Variants in CLSTN2 observed in about 807,000 individuals in gnomAD.
The protein encoded by CLSTN2 is calsyntenin 2, also known as calsyntenin-2.
A neutral mutation model predicts 101.2 loss-of-function variants in CLSTN2; 48 were observed. That is an observed-to-expected ratio of 0.47 (90% CI 0.38 to 0.60). The LOEUF (loss-of-function observed/expected upper bound fraction) is 0.60. Ranked by LOEUF, CLSTN2 falls within the 20% of genes least tolerant of loss-of-function variation. The pLI is 0.00. For missense variants in CLSTN2, 1,160 were observed against 1,238.2 expected, an observed-to-expected ratio of 0.94 and a Z score of 0.95; for synonymous variants, 481 against 463.6, an observed-to-expected ratio of 1.04 and a Z score of -0.48.
intron 2 of CLSTN2, among the ~76,000 whole-genome samples, chr3:140,325,928 T>C (rs2087328172): frequency 6.6e-6 from 1 of 152,222 alleles, no homozygotes; most frequent in Non-Finnish European, 1.5e-5. Flanking sequence ...CTACCCTTTC[T>C]GCAGAAAGTA....
At chr3:140,321,672 C>T (rs2087284139) in intron 2 of CLSTN2, among the ~76,000 whole-genome samples, 1 of 152,134 alleles carries the variant, frequency 6.6e-6, no homozygotes, top group Non-Finnish European at 1.5e-5. Context: ...AACCCTGGAG[C>T]CCTCAGATAA....
At position 140,571,543 on chromosome 3, in the gene CLSTN2, A is replaced by C. The variant is rs1985549422; in HGVS notation, c.*5290A>C. The C allele has an allele frequency of 6.6e-6, 1 of 152,204 alleles. No homozygotes were observed. The highest frequency in any genetic ancestry group is 6.5e-5 in the Admixed American group (1 of 15,280). 9.4% of individuals were successfully genotyped at this position (152,204 alleles called of 1,614,324 possible). ...TGTACTCTGGCAGGCTATGAATGGT[A>C]CAGGATTCTGCATCTATATGAGACA... On this transcript the variant is annotated 3_prime_UTR_variant, in exon 17 of 17. Coordinates refer to ENST00000458420, the MANE Select transcript of CLSTN2 (RefSeq NM_022131.3).
intron 2 of CLSTN2, among the ~76,000 whole-genome samples, chr3:140,194,002 G>A (rs1313532578): frequency 6.6e-6 from 1 of 152,018 alleles, no homozygotes; most frequent in East Asian, 1.9e-4. Flanking sequence ...TATTTGCTGA[G>A]ACTTTCTACT....
intron 9 of CLSTN2, 44 bp downstream of exon 9, chr3:140,532,530 G>C (rs1231511811): frequency 6.6e-7 from 1 of 1,520,868 alleles, no homozygotes; most frequent in East Asian, 2.3e-5. Context: ...TTTGTGAATA[G>C]TTCTTGGAAG....
intron 8 of CLSTN2, among the ~76,000 whole-genome samples, chr3:140,523,271 G>T (rs1251598413): frequency 6.6e-6 from 1 of 152,048 alleles, no homozygotes; most frequent in Non-Finnish European, 1.5e-5. Flanking sequence ...GAAGCTTCAG[G>T]CTTTATGCAG....
At chr3:140,279,492 G>T (rs2086825996) in intron 2 of CLSTN2, among the ~76,000 whole-genome samples, 2 of 152,256 alleles carry the variant, frequency 1.3e-5, no homozygotes, top group South Asian at 4.1e-4. Context: ...ATTGTCAGTG[G>T]TGGCTATGAG....
At chr3:140,396,088 C>T (rs76769260) in intron 2 of CLSTN2, among the ~76,000 whole-genome samples, 20,101 of 152,156 alleles carry the variant, frequency 0.13, 1,437 homozygotes, top group East Asian at 0.17. Context: ...TGGTAGTATA[C>T]GACTGATCTG....
At chr3:140,281,685 G>A (rs2086848834) in intron 2 of CLSTN2, among the ~76,000 whole-genome samples, 1 of 152,096 alleles carries the variant, frequency 6.6e-6, no homozygotes, top group Non-Finnish European at 1.5e-5. Flanking sequence ...ATCAAGTTTT[G>A]AGATGGGAGG....
intron 1 of CLSTN2, among the ~76,000 whole-genome samples, chr3:139,946,438 C>T (rs976495199): frequency 2.0e-5 from 3 of 152,206 alleles, no homozygotes; most frequent in African/African-American, 7.2e-5. Context: ...ATTCAACAAC[C>T]AGAGGGCCAT....
Position 140,532,427 on chromosome 3 carries a change from A to T in CLSTN2, c.1448A>T (p.Asp483Val), listed in dbSNP as rs1179139277. The T allele has an allele frequency of 6.2e-7, 1 of 1,613,986 alleles. No individual in the cohort carries two copies. Among genetic ancestry groups the T allele is most frequent in the South Asian group, 1.1e-5 (1 of 91,040 alleles). The stretch of plus-strand genomic sequence containing the variant: ...TATGAACCATACCTGGTGACCAACG[A>T]CTGGCCCATTCATCCATCTCACATA... ...ATYEPYLVTNDWPIHPSHIAM... is the reference protein window; with the variant it reads ...ATYEPYLVTNVWPIHPSHIAM... The change falls in exon 9 of 17, where the codon GAC (aspartate) becomes GTC (valine). Residue 483 changes from aspartate (D) to valine (V), a missense_variant. Transcript: ENST00000458420.
chr3:140,276,440 G>A (rs531327364), intron 2 of CLSTN2, among the ~76,000 whole-genome samples: 109 of 152,284 alleles, frequency 7.2e-4, no homozygotes, highest in African/African-American at 2.5e-3. Context: ...AAGGAGTAGA[G>A]GAAAGGCAGC....
At chr3:140,487,924 T>C (rs1934271005) in intron 8 of CLSTN2, among the ~76,000 whole-genome samples, 1 of 152,250 alleles carries the variant, frequency 6.6e-6, no homozygotes, top group Non-Finnish European at 1.5e-5. Context: ...GAGCCCACAA[T>C]AGGGTTATAA....
Position 140,395,292 on chromosome 3 carries a change from C to A in CLSTN2, c.233-8337C>A, listed in dbSNP as rs115810759. 3.9e-3 allele frequency among the ~76,000 whole-genome samples: 589 copies of A among 152,242 alleles called. 4 individuals are homozygous for A. The highest frequency in any genetic ancestry group is 0.013 in the African/African-American group (552 of 41,526). On this transcript the variant is annotated intron_variant, in intron 2 of 16. Coordinates refer to ENST00000458420, the MANE Select transcript of CLSTN2 (RefSeq NM_022131.3). ...AATGGGAACCAAGGTTAAGTTATCA[C>A]TATGCACCTAGCTGCTTGCAGGCCA...
At chr3:140,032,864 G>C (rs2007584278) in intron 1 of CLSTN2, among the ~76,000 whole-genome samples, 1 of 152,132 alleles carries the variant, frequency 6.6e-6, no homozygotes, top group Admixed American at 6.5e-5. Context: ...TGCTCCTCTG[G>C]GTTTGTCTGT....
chr3:140,426,025 C>G (rs1367349941), intron 5 of CLSTN2, among the ~76,000 whole-genome samples: 1 of 152,182 alleles, frequency 6.6e-6, no homozygotes, highest in Non-Finnish European at 1.5e-5. Flanking sequence ...ATATTAGGAA[C>G]TAGGAAAGTG....
At chr3:140,275,119 A>G (rs2086781434) in intron 2 of CLSTN2, among the ~76,000 whole-genome samples, 1 of 152,162 alleles carries the variant, frequency 6.6e-6, no homozygotes, top group Non-Finnish European at 1.5e-5. Flanking sequence ...CTAGCCTCAG[A>G]TCGGGGCAAC....
chr3:140,404,684 C>T lies in CLSTN2; in HGVS notation c.555C>T (p.Asp185=), dbSNP rs148587237. Residue 185 remains aspartate (D), a synonymous_variant, in exon 4 of 17, where the codon GAC becomes GAT. Transcript: ENST00000458420. ...YDSILQVEAI[D]EDCSPQYSQI... ...GCATTCTGCAGGTGGAGGCCATTGA[C>T]GAGGACTGCTCCCCACAGTACAGCC... 295 of 1,614,176 alleles carry T rather than the reference C, an allele frequency of 1.8e-4. No homozygotes were observed. The African/African-American group carries it at 2.8e-3, about 15-fold the overall frequency.
chr3:140,391,900 T>C (rs1385793937), intron 2 of CLSTN2, among the ~76,000 whole-genome samples: 1 of 152,126 alleles, frequency 6.6e-6, no homozygotes, highest in East Asian at 1.9e-4. Context: ...TAAGAGGCGA[T>C]GATCATTTAA....
intron 2 of CLSTN2, among the ~76,000 whole-genome samples, chr3:140,199,185 T>A (rs2010687519): frequency 6.6e-6 from 1 of 152,184 alleles, no homozygotes; most frequent in African/African-American, 2.4e-5. Context: ...GAATATTGCA[T>A]CAGACTTTTT....
Sources: allele counts gnomAD v4.1 joint callset (sites outside exome capture counted in the v4.1 genomes callset), GRCh38; gene constraint gnomAD v4.1.1; transcripts MANE v1.5; gene names NCBI Gene and HGNC (gene_info 2026-07-23, HGNC 2026-07-21).